Variants in SYNPO2 observed in about 807,000 individuals in gnomAD.
SYNPO2 encodes the protein synaptopodin 2.
In SYNPO2, 56 loss-of-function variants were observed where a neutral mutation model predicts 85.0. The ratio of observed to expected loss-of-function variants is 0.66; its 90% CI spans 0.53 to 0.82. The LOEUF (loss-of-function observed/expected upper bound fraction) is 0.82. SYNPO2 is among the 40% of genes least tolerant of loss of function. SYNPO2 has a pLI of 0.00. For synonymous variants in SYNPO2, 602 were observed against 591.1 expected (o/e 1.02, Z -0.27); for missense variants, 1,575 against 1,534.2 (o/e 1.03, Z -0.44).
At chr4:119,052,092 AG>A (rs1199450054) in intron 4 of SYNPO2, among the ~76,000 whole-genome samples, 2 of 152,156 alleles carry the variant, frequency 1.3e-5, no homozygotes, top group Non-Finnish European at 2.9e-5. Context: ...GATGGGTAGG[AG>A]GTCAGAGTGG....
intron 1 of SYNPO2, among the ~76,000 whole-genome samples, chr4:118,852,819 C>G (rs371054369): frequency 2.6e-5 from 4 of 152,152 alleles, no homozygotes; most frequent in African/African-American, 9.7e-5. Flanking sequence ...AACCCCATTA[C>G]ACAAGTTTAC....
Position 118,927,776 on chromosome 4 carries a change from T to TAGATAGATA in SYNPO2, c.105+38635_105+38636insAGATAGATA, listed in dbSNP as rs143891687. ...ATAGATAGATATATAGATAGATAGA[T>TAGATAGATA]GATAGATAGATAGATAGATAGATAG... On this transcript the variant is annotated intron_variant, in intron 1 of 4. Coordinates refer to ENST00000307142, the MANE Select transcript of SYNPO2 (RefSeq NM_133477.3). 4.8e-3 allele frequency among the ~76,000 whole-genome samples: 491 copies of TAGATAGATA among 102,516 alleles called. 5 individuals are homozygous for TAGATAGATA. Among genetic ancestry groups the TAGATAGATA allele is most frequent in the Admixed American group, 7.4e-3 (75 of 10,096 alleles). The allele number at this position is 102,516 out of a possible 152,430, so 67.3% of individuals were successfully genotyped here. A position where few individuals can be genotyped will look rare whatever the true frequency, so the allele number is the denominator to read the frequency against.
At chr4:119,048,016 C>T (rs1022418115) in intron 4 of SYNPO2, among the ~76,000 whole-genome samples, 1 of 152,192 alleles carries the variant, frequency 6.6e-6, no homozygotes, top group Non-Finnish European at 1.5e-5. Context: ...AGGGTTTATG[C>T]ATAATTTTCT....
chr4:119,004,673 G>A (rs1433661260), intron 1 of SYNPO2, among the ~76,000 whole-genome samples: 1 of 143,802 alleles, frequency 7.0e-6, no homozygotes, highest in African/African-American at 2.5e-5. Flanking sequence ...TGTGAATAGT[G>A]CCGCAATAAA....
chr4:119,050,516 A>T (rs1185398652), intron 4 of SYNPO2, among the ~76,000 whole-genome samples: 3 of 152,142 alleles, frequency 2.0e-5, no homozygotes, highest in Admixed American at 6.5e-5. Context: ...AAAAATAGGG[A>T]TAATAATAGT....
chr4:119,022,709 A>T (rs981590492), intron 1 of SYNPO2, among the ~76,000 whole-genome samples: 3 of 92,136 alleles, frequency 3.3e-5, no homozygotes, highest in Admixed American at 1.2e-4. Context: ...TTTATTTTAT[A>T]TTTTATTTTA....
intron 1 of SYNPO2, among the ~76,000 whole-genome samples, chr4:118,999,357 G>T (rs113285297): frequency 2.6e-5 from 4 of 152,034 alleles, no homozygotes; most frequent in African/African-American, 9.7e-5. Context: ...TCATCATGTT[G>T]TCCAGGCTGG....
In SYNPO2 at chr4:119,057,527, A is replaced by C; in HGVS notation, c.3379A>C (p.Lys1127Gln). 6.2e-7 allele frequency: 1 copy of C among 1,614,114 alleles called. No homozygotes were observed. Among genetic ancestry groups the C allele is most frequent in the South Asian group, 1.1e-5 (1 of 91,066 alleles). The change falls in exon 5 of 5, where the codon AAG becomes CAG. Residue 1127 changes from lysine to glutamine, a missense_variant. By Grantham distance (53) the Lys-to-Gln change is moderately conservative (BLOSUM62 1). Around this residue, in one of 3 missense-constraint regions of SYNPO2, gnomAD observed 1,508 missense variants for 1,446.8 expected, o/e 1.04. Transcript: ENST00000307142. The part of the protein sequence containing the change: ...KPTDGLEKAN[K>Q]RPTPWEAAAK... Reference sequence around the variant, plus strand: ...AACCGATGGACTAGAGAAAGCAAACAAGAGACCAACTCCTTGGGAAGCAGC... The same window carrying C: ...AACCGATGGACTAGAGAAAGCAAACCAGAGACCAACTCCTTGGGAAGCAGC...
At chr4:118,939,784 A>G (rs1734237223) in intron 1 of SYNPO2, among the ~76,000 whole-genome samples, 1 of 152,164 alleles carries the variant, frequency 6.6e-6, no homozygotes, top group Non-Finnish European at 1.5e-5. Flanking sequence ...TCTATTAAAA[A>G]TTTACATATG....
chr4:119,046,331 T>A (rs1313056708), intron 4 of SYNPO2, among the ~76,000 whole-genome samples: 1 of 151,602 alleles, frequency 6.6e-6, no homozygotes, highest in Non-Finnish European at 1.5e-5. Flanking sequence ...TTAAAAAAAA[T>A]CAAGAAGTGT....
intron 1 of SYNPO2, among the ~76,000 whole-genome samples, chr4:118,983,884 C>T (rs1290010148): frequency 6.6e-6 from 1 of 152,200 alleles, no homozygotes; most frequent in African/African-American, 2.4e-5. Context: ...CACAGCCTCC[C>T]CATATCCTGG....
chr4:118,857,105 TGATAGTGTATTAA>T (rs1259235790), intron 1 of SYNPO2, among the ~76,000 whole-genome samples: 25 of 152,252 alleles, frequency 1.6e-4, no homozygotes, highest in African/African-American at 6.0e-4. Context: ...ACTTATATGA[TGATAGTGTATTAA>T]ACTCAGCAAT....
At chr4:118,925,471 A>C (rs1008670710) in intron 1 of SYNPO2, among the ~76,000 whole-genome samples, 7 of 151,726 alleles carry the variant, frequency 4.6e-5, no homozygotes, top group African/African-American at 1.7e-4. Context: ...ATCGTCACCT[A>C]TGTCTCAGGC....
At chr4:119,035,350 G>A (rs1738464984) in intron 4 of SYNPO2, 1 of 985,312 alleles carries the variant, frequency 1.0e-6, no homozygotes, top group Non-Finnish European at 1.2e-6. Flanking sequence ...TTCTAGGAGG[G>A]CAGAGTGAAT....
chr4:118,903,306 A>G (rs1732820179), intron 1 of SYNPO2, among the ~76,000 whole-genome samples: 1 of 152,214 alleles, frequency 6.6e-6, no homozygotes, highest in Admixed American at 6.5e-5. Flanking sequence ...AAAAAGAATG[A>G]GCTCATGAGA....
intron 1 of SYNPO2, among the ~76,000 whole-genome samples, chr4:118,946,693 G>A (rs138440888): frequency 6.4e-4 from 98 of 152,176 alleles, no homozygotes; most frequent in African/African-American, 2.3e-3. Context: ...TATTGTTAGA[G>A]ATTGTAAAGT....
At chr4:118,999,612 T>C (rs1359645723) in intron 1 of SYNPO2, among the ~76,000 whole-genome samples, 4 of 129,744 alleles carry the variant, frequency 3.1e-5, no homozygotes, top group Non-Finnish European at 5.6e-5. Flanking sequence ...TGTATTTATT[T>C]ATGTAGAGAT....
intron 1 of SYNPO2, among the ~76,000 whole-genome samples, chr4:118,916,976 C>A (rs1733358387): frequency 6.6e-6 from 1 of 152,152 alleles, no homozygotes; most frequent in African/African-American, 2.4e-5. Flanking sequence ...CACAAGTAAT[C>A]CTCTTGCCTC....
intron 4 of SYNPO2, among the ~76,000 whole-genome samples, chr4:119,048,422 C>A (rs777750104): frequency 6.6e-6 from 1 of 152,102 alleles, no homozygotes; most frequent in Non-Finnish European, 1.5e-5. Flanking sequence ...TCTAGGGAAG[C>A]CTTAAGGAAA....
Sources: gnomAD v4.1 joint callset for allele counts (sites outside exome capture counted in the v4.1 genomes callset) on GRCh38, gnomAD v4.1.1 for gene constraint, gnomAD v4.1.1 regional missense constraint, MANE v1.5 for transcripts, NCBI Gene and HGNC (gene_info 2026-07-23, HGNC 2026-07-21) for gene names.